The following ZNF30 variants were observed in gnomAD, a reference collection of about 807,000 sequenced individuals.
ZNF30 encodes the protein zinc finger protein 30 (KOX 28).
ZNF30 carries 15 observed loss-of-function variants against 13.2 expected under a neutral mutation model. The ratio of observed to expected loss-of-function variants is 1.13; its 90% CI spans 0.76 to 1.75. The LOEUF is 1.75. ZNF30 is among the 40% of genes most tolerant of loss of function. The pLI is 0.00. For synonymous variants in ZNF30, 223 were observed against 256.6 expected (o/e 0.87, Z 1.25); for missense variants, 726 against 757.0 (o/e 0.96, Z 0.48).
At chr19:34,933,857 C>A in intron 4 of ZNF30, 134 bp downstream of exon 4, 2 of 575,378 alleles carry the variant, frequency 3.5e-6, no homozygotes, top group Admixed American at 3.1e-5. Flanking sequence ...AAGGCTGAGA[C>A]TTGGGTAAGA....
Position 34,927,059 on chromosome 19 carries a change from T to C in ZNF30, c.-222T>C, listed in dbSNP as rs1335644877. On this transcript the variant is annotated 5_prime_UTR_variant, in exon 1 of 5. Transcript: ENST00000601142. Reference sequence around the variant, plus strand: ...CCTCCTCGCCAGTTCATTGTGGTCGTTGACCCGGCAGCGAGCTTTGGAGTT... The same window carrying C: ...CCTCCTCGCCAGTTCATTGTGGTCGCTGACCCGGCAGCGAGCTTTGGAGTT... 2.0e-5 allele frequency: 8 copies of C among 398,410 alleles called. No homozygotes were observed. Among genetic ancestry groups the C allele is most frequent in the Non-Finnish European group, 3.1e-5 (7 of 225,998 alleles). 24.7% of individuals were successfully genotyped at this position (398,410 alleles called of 1,614,324 possible).
At chr19:34,929,489 T>C (rs79484506) in intron 1 of ZNF30, among the ~76,000 whole-genome samples, 6,041 of 152,286 alleles carry the variant, frequency 0.04, 160 homozygotes, top group Middle Eastern at 0.13. Flanking sequence ...ACCTCCCGTG[T>C]CTTGACCAAC....
intron 2 of ZNF30, 90 bp downstream of exon 2, chr19:34,930,046 T>G: frequency 7.7e-7 from 1 of 1,293,202 alleles, no homozygotes; most frequent in Non-Finnish European, 1.1e-6. Flanking sequence ...CATCAGAATG[T>G]ACCATCTAAT....
chr19:34,930,383 C>G, intron 2 of ZNF30, among the ~76,000 whole-genome samples: 1 of 152,252 alleles, frequency 6.6e-6, no homozygotes, highest in East Asian at 1.9e-4. Context: ...AGATAACATG[C>G]TCTATGAGGC....
At position 34,931,865 on chromosome 19, in the gene ZNF30, A is replaced by G. The variant is rs376741931; in HGVS notation, c.32A>G (p.His11Arg). 3.7e-6 allele frequency: 6 copies of G among 1,611,890 alleles called. No individual in the cohort carries two copies. The highest frequency in any genetic ancestry group is 5.1e-6 in the Non-Finnish European group (6 of 1,179,358). Residue 11 changes from histidine (H) to arginine (R), a missense_variant, in exon 3 of 5, where the codon CAC becomes CGC. His to Arg is a conservative substitution (Grantham distance 29). Transcript: ENST00000601142. MAHKYVGLQYHGSVTFEDVAI... is the reference protein window; with the variant it reads MAHKYVGLQYRGSVTFEDVAI... ...CAGAAATATGTGGGTTTGCAGTATC[A>G]CGGATCAGTGACATTTGAGGATGTG...
rs773865800 is a variant in ZNF30 at position 34,944,123 on chromosome 19, A to G, written c.1157A>G (p.Tyr386Cys). 2 of 1,613,554 alleles carry G rather than the reference A, an allele frequency of 1.2e-6. No homozygotes were observed. Among genetic ancestry groups the G allele is most frequent in the South Asian group, 1.1e-5 (1 of 91,048 alleles). Residue 386 changes from tyrosine (Y) to cysteine (C), a missense_variant, in exon 5 of 5, where the codon TAT (tyrosine) becomes TGT (cysteine). Transcript: ENST00000601142. ...GGGAGAACCTTCAGTCGTGCCTCAT[A>G]TCTTGTTCAACATGGAAGACTTCAC... ...ECGRTFSRAS[Y>C]LVQHGRLHTG...
intron 4 of ZNF30, among the ~76,000 whole-genome samples, chr19:34,937,330 A>G (rs1450731021): frequency 6.6e-6 from 1 of 152,126 alleles, no homozygotes; most frequent in Non-Finnish European, 1.5e-5. Context: ...ACTACTCTTA[A>G]CATTTAGAGG....
chr19:34,928,240 TATATATATATATATAGATAGATAGATAG>T (rs746298019), intron 1 of ZNF30, among the ~76,000 whole-genome samples: 31,448 of 107,860 alleles, frequency 0.29, 4,256 homozygotes, highest in African/African-American at 0.41. Context: ...TATATATATA[TATATATATATATATAGATAGATAGATAG>T]ATAGATACAT....
intron 4 of ZNF30, chr19:34,942,582 A>G: frequency 2.4e-6 from 3 of 1,249,686 alleles, no homozygotes; most frequent in Non-Finnish European, 3.1e-6. Context: ...ATTTTATTTT[A>G]AACATGGATA....
At chr19:34,937,881 C>T (rs368386752) in intron 4 of ZNF30, among the ~76,000 whole-genome samples, 1 of 152,268 alleles carries the variant, frequency 6.6e-6, no homozygotes, top group East Asian at 1.9e-4. Flanking sequence ...TCACTGCATC[C>T]TCTGCCTCCA....
At chr19:34,936,806 G>A (rs1482790310) in intron 4 of ZNF30, among the ~76,000 whole-genome samples, 1 of 152,084 alleles carries the variant, frequency 6.6e-6, no homozygotes, top group African/African-American at 2.4e-5. Flanking sequence ...TGAGGCAGGA[G>A]GATGGCTTGA....
In ZNF30 at chr19:34,943,286, CT is replaced by C; in HGVS notation, c.324del (p.Phe108LeufsTer7). The stretch of plus-strand genomic sequence containing the variant: ...ATGCCCACCTCTGAAAACTGTCCAT[CT>C]TTTGCTCTACATCAGAAAATAAGTA... ...KEMPTSENCP[S>X]FALHQKISRQ... On this transcript the variant is annotated frameshift_variant, in exon 5 of 5. Transcript: ENST00000601142. LOFTEE classifies it low-confidence loss of function (END_TRUNC). 8 of 1,613,708 alleles carry C rather than the reference CT, an allele frequency of 5.0e-6. No individual in the cohort carries two copies. Among genetic ancestry groups the C allele is most frequent in the Non-Finnish European group, 6.8e-6 (8 of 1,179,780 alleles).
At chr19:34,928,220 A>AAT (rs374649415) in intron 1 of ZNF30, among the ~76,000 whole-genome samples, 894 of 73,148 alleles carry the variant, frequency 0.012, 18 homozygotes, top group Non-Finnish European at 0.018. Flanking sequence ...AAAAAAAAAA[A>AAT]ATATATATAT....
At chr19:34,931,774 C>T in intron 2 of ZNF30, 69 bp from the exon 3 acceptor site, 1 of 1,493,064 alleles carries the variant, frequency 6.7e-7, no homozygotes, top group Non-Finnish European at 9.1e-7. Context: ...TGTTATTGCT[C>T]CCTTACTACA....
intron 4 of ZNF30, among the ~76,000 whole-genome samples, chr19:34,939,128 T>TCCCCC (rs2012893683): frequency 1.5e-5 from 1 of 67,386 alleles, no homozygotes; most frequent in African/African-American, 8.5e-5. Context: ...TTGTCTCCCC[T>TCCCCC]CCCCTCCCCT....
chr19:34,932,409 T>TC (rs2012498870), intron 3 of ZNF30, among the ~76,000 whole-genome samples: 1 of 152,190 alleles, frequency 6.6e-6, no homozygotes, highest in African/African-American at 2.4e-5. Context: ...TGGTTAAAAT[T>TC]CATCATCTCT....
chr19:34,928,242 T>G lies in ZNF30; in HGVS notation c.-65+1026T>G, dbSNP rs1183181911. Among the ~76,000 whole-genome samples, 9 of 64,718 alleles carry G rather than the reference T, an allele frequency of 1.4e-4. 1 individual carries two copies. In the East Asian group the frequency reaches 2.7e-3, roughly 19 times the overall value. The allele number at this position is 64,718 out of a possible 152,430, so 42.5% of individuals were successfully genotyped here. A position where few individuals can be genotyped will look rare whatever the true frequency, so the allele number is the denominator to read the frequency against. ...AAAAATATATATATATATATATATA[T>G]ATATATATATATAGATAGATAGATA... On this transcript the variant is annotated intron_variant, in intron 1 of 4. Transcript: ENST00000601142.
intron 1 of ZNF30, among the ~76,000 whole-genome samples, chr19:34,927,925 G>T (rs1375530332): frequency 6.6e-6 from 1 of 152,050 alleles, no homozygotes; most frequent in Admixed American, 6.6e-5. Context: ...GAAACAGGTC[G>T]GGTGCCATGG....
Position 34,935,229 on chromosome 19 carries a change from TAAA to T in ZNF30, c.256+1518_256+1520del, listed in dbSNP as rs66464153. On this transcript the variant is annotated intron_variant, in intron 4 of 4. Coordinates refer to ENST00000601142, the MANE Select transcript of ZNF30 (RefSeq NM_194325.3). ...CTGGGCGACAGAGCGAGACTCCGTCTAAAAAAAAAAAAAATTTTTAAAAACAAT... is the reference window on the plus strand; with the variant it reads ...CTGGGCGACAGAGCGAGACTCCGTCTAAAAAAAAAAATTTTTAAAAACAAT... 4.4e-4 allele frequency among the ~76,000 whole-genome samples: 65 copies of T among 148,202 alleles called. 1 individual carries two copies. In the South Asian group the frequency reaches 8.9e-3, roughly 20 times the overall value.
Sources: gnomAD v4.1 joint callset for allele counts (sites outside exome capture counted in the v4.1 genomes callset) on GRCh38, gnomAD v4.1.1 for gene constraint, MANE v1.5 for transcripts, NCBI Gene and HGNC (gene_info 2026-07-23, HGNC 2026-07-21) for gene names.